The following PKD2L2 variants were observed in gnomAD, a reference collection of about 807,000 sequenced individuals.
PKD2L2 encodes polycystin-2-like protein 2.
In PKD2L2, 67 loss-of-function variants were observed where a neutral mutation model predicts 83.9. The observed-to-expected ratio is 0.80, with a 90% CI of 0.66 to 0.98. The LOEUF is 0.98. PKD2L2 is among the 50% of genes least tolerant of loss of function. The probability of loss-of-function intolerance (pLI) is 0.00; values close to 1 mark genes in which losing one functional copy is unlikely to be tolerated. For synonymous variants in PKD2L2, 223 were observed against 237.8 expected, an observed-to-expected ratio of 0.94 and a Z score of 0.57; for missense variants, 632 against 717.2, an observed-to-expected ratio of 0.88 and a Z score of 1.36.
chr5:137,896,480 T>G (rs1756482070), intron 4 of PKD2L2, among the ~76,000 whole-genome samples: 2 of 152,182 alleles, frequency 1.3e-5, no homozygotes, highest in Non-Finnish European at 2.9e-5. Flanking sequence ...GTGTAATCAT[T>G]GTTCACTGCA....
rs373016532 is a variant in PKD2L2 at position 137,925,105 on chromosome 5, G to A, written c.1616+1G>A. ...CTCAAAAAGATGAAGACAAGAAAAC[G>A]TAAGATGACTTCTCTCAAATGTTTA... On this transcript the variant is annotated splice_donor_variant, in intron 11 of 14. Transcript: ENST00000508883. LOFTEE classifies it high-confidence loss of function. 8.2e-5 allele frequency: 129 copies of A among 1,567,774 alleles called. No individual in the cohort carries two copies. Among genetic ancestry groups the A allele is most frequent in the Non-Finnish European group, 1.0e-4 (118 of 1,138,534 alleles).
At chr5:137,904,422 C>G (rs1296688496) in intron 5 of PKD2L2, among the ~76,000 whole-genome samples, 2 of 152,148 alleles carry the variant, frequency 1.3e-5, no homozygotes. Flanking sequence ...CTACTATACA[C>G]CATCTAATAC....
intron 10 of PKD2L2, among the ~76,000 whole-genome samples, 198 bp downstream of exon 10, chr5:137,923,719 GCTCT>G (rs955429166): frequency 2.4e-4 from 37 of 152,202 alleles, no homozygotes; most frequent in African/African-American, 8.2e-4. Context: ...AGTGAGATAT[GCTCT>G]CTGACTTCAA....
chr5:137,921,678 T>C lies in PKD2L2; in HGVS notation c.1371T>C (p.Ala457=). 3 of 1,602,570 alleles carry C rather than the reference T, an allele frequency of 1.9e-6. No individual in the cohort carries two copies. Among genetic ancestry groups the C allele is most frequent in the Non-Finnish European group, 2.6e-6 (3 of 1,173,072 alleles). ...TTGTTCTTGGAGATTTTAATTTTGC[T>C]GGTATTCAGCAAGCCAATCCTATCT... ...FRIVLGDFNF[A]GIQQANPILG... is the part of the protein sequence containing the mutation. Residue 457 remains alanine, a synonymous_variant, in exon 9 of 15, where the codon GCT becomes GCC. Transcript: ENST00000508883.
intron 5 of PKD2L2, among the ~76,000 whole-genome samples, chr5:137,904,570 C>T (rs1034614658): frequency 6.6e-6 from 1 of 151,926 alleles, no homozygotes; most frequent in Non-Finnish European, 1.5e-5. Context: ...ATAATAAGAA[C>T]ACATGGACAG....
intron 12 of PKD2L2, among the ~76,000 whole-genome samples, chr5:137,932,902 T>C (rs751543348): frequency 6.6e-6 from 1 of 152,142 alleles, no homozygotes; most frequent in Non-Finnish European, 1.5e-5. Flanking sequence ...TTAGGGATAC[T>C]CAATCTGTAC....
At chr5:137,894,729 T>C (rs1756290834) in intron 4 of PKD2L2, 120 bp downstream of exon 4, 1 of 715,388 alleles carries the variant, frequency 1.4e-6, no homozygotes, top group East Asian at 2.6e-5. Flanking sequence ...GTTTCAACAA[T>C]AGTAAAAAAG....
At chr5:137,931,129 T>A (rs1176049296) in intron 12 of PKD2L2, among the ~76,000 whole-genome samples, 1 of 152,188 alleles carries the variant, frequency 6.6e-6, no homozygotes, top group African/African-American at 2.4e-5. Flanking sequence ...AATATTTCTA[T>A]GAAAATAAAA....
intron 14 of PKD2L2, chr5:137,941,832 G>T: frequency 1.2e-6 from 1 of 869,142 alleles, no homozygotes; most frequent in Non-Finnish European, 1.8e-6. Flanking sequence ...ATTTTTCAGT[G>T]CTAGCATCCT....
chr5:137,910,846 G>A lies in PKD2L2; in HGVS notation c.1328+1900G>A, dbSNP rs138235403. Among the ~76,000 whole-genome samples the A allele has an allele frequency of 7.6e-4, 115 of 150,936 alleles. 2 individuals carry two copies. The highest frequency in any genetic ancestry group is 6.5e-3 in the Admixed American group (98 of 15,132). ...AAAACAATGAAGAATTAATAAGAGA[G>A]TGAGTAATAACTGGGCCAAAGTCAG... On this transcript the variant is annotated intron_variant, in intron 8 of 14. Transcript: ENST00000508883.
intron 5 of PKD2L2, among the ~76,000 whole-genome samples, chr5:137,901,431 A>G (rs1460005758): frequency 6.6e-6 from 1 of 152,054 alleles, no homozygotes; most frequent in Non-Finnish European, 1.5e-5. Context: ...AATGCCACAA[A>G]GAACATTGAT....
intron 14 of PKD2L2, chr5:137,939,872 A>G: frequency 7.5e-7 from 1 of 1,331,280 alleles, no homozygotes; most frequent in South Asian, 2.3e-5. Context: ...ATGAGAAACA[A>G]AAAGTTGGTA....
chr5:137,905,139 AT>A (rs1757263873), intron 5 of PKD2L2, among the ~76,000 whole-genome samples: 1 of 152,172 alleles, frequency 6.6e-6, no homozygotes, highest in African/African-American at 2.4e-5. Flanking sequence ...GTAATATAAG[AT>A]TAAGTCCAGA....
intron 14 of PKD2L2, among the ~76,000 whole-genome samples, chr5:137,936,976 A>G (rs1210043671): frequency 2.0e-5 from 3 of 152,216 alleles, no homozygotes; most frequent in African/African-American, 7.2e-5. Flanking sequence ...AAATTCTAGA[A>G]AAGTGAAAGT....
intron 8 of PKD2L2, among the ~76,000 whole-genome samples, chr5:137,917,187 G>T (rs1758448884): frequency 6.8e-6 from 1 of 147,094 alleles, no homozygotes. Context: ...TTTGAGATGG[G>T]AATCTCACTC....
chr5:137,916,388 G>A (rs1320570940), intron 8 of PKD2L2, among the ~76,000 whole-genome samples: 3 of 151,778 alleles, frequency 2.0e-5, no homozygotes, highest in Non-Finnish European at 4.4e-5. Flanking sequence ...TGTTGGCCAG[G>A]CTGGTCTCAA....
At position 137,924,904 on chromosome 5, in the gene PKD2L2, A is replaced by G. The variant is rs954229566; in HGVS notation, c.1552-136A>G. ...GCAATGAGGTGAAAGAAGGATAATC[A>G]TAGCATTTACCTCCACAGTCCTTTA... On this transcript the variant is annotated intron_variant, in intron 10 of 14. Coordinates refer to ENST00000508883, the MANE Select transcript of PKD2L2 (RefSeq NM_001300921.2). 1.9e-5 allele frequency: 12 copies of G among 628,456 alleles called. No homozygotes were observed. The African/African-American group carries it at 2.2e-4, about 12-fold the overall frequency. The allele number at this position is 628,456 out of a possible 1,614,324, so 38.9% of individuals were successfully genotyped here.
chr5:137,936,200 A>G, intron 13 of PKD2L2, 120 bp from the exon 14 acceptor site: 1 of 824,750 alleles, frequency 1.2e-6, no homozygotes. Flanking sequence ...ACTGGCCACA[A>G]GAGGCATGTT....
At chr5:137,923,656 T>C (rs573696500) in intron 10 of PKD2L2, 135 bp downstream of exon 10, 111 of 633,676 alleles carry the variant, frequency 1.8e-4, no homozygotes, top group Middle Eastern at 1.5e-3. Flanking sequence ...CCAGGGTTTG[T>C]TTTGTGTTTT....
Sources: gnomAD v4.1 joint callset for allele counts (sites outside exome capture counted in the v4.1 genomes callset) on GRCh38, gnomAD v4.1.1 for gene constraint, MANE v1.5 for transcripts, NCBI Gene and HGNC (gene_info 2026-07-23, HGNC 2026-07-21) for gene names.